Variants in ARMH3 observed in about 807,000 individuals in gnomAD.
ARMH3 encodes armadillo like helical domain containing 3, also known as armadillo-like helical domain-containing protein 3.
In ARMH3, 60 loss-of-function variants were observed where a neutral mutation model predicts 99.1. The ratio of observed to expected loss-of-function variants is 0.61; its 90% CI spans 0.49 to 0.75. The LOEUF (loss-of-function observed/expected upper bound fraction) is 0.75, where lower values mean the gene tolerates loss of function less well. ARMH3 is among the 30% of genes least tolerant of loss of function. The pLI is 0.00. For missense variants in ARMH3, 679 were observed against 843.1 expected (o/e 0.81, Z 2.41); for synonymous variants, 285 against 292.8 (o/e 0.97, Z 0.27).
intron 8 of ARMH3, 144 bp from the exon 9 acceptor site, chr10:102,014,168 C>G: frequency 1.7e-6 from 1 of 605,858 alleles, no homozygotes; most frequent in Non-Finnish European, 2.9e-6. Flanking sequence ...ATCCATATTG[C>G]CTGCTGACTC....
intron 24 of ARMH3, among the ~76,000 whole-genome samples, chr10:101,854,108 G>A (rs766871362): frequency 3.3e-5 from 5 of 151,866 alleles, no homozygotes; most frequent in African/African-American, 4.8e-5. Flanking sequence ...GCGAGACTCC[G>A]TCTCAAAAAA....
At chr10:101,883,987 C>T (rs1473162319) in intron 24 of ARMH3, among the ~76,000 whole-genome samples, 1 of 137,006 alleles carries the variant, frequency 7.3e-6, no homozygotes, top group Non-Finnish European at 1.6e-5. Flanking sequence ...AGGGAGATCT[C>T]ACACACACAC....
chr10:101,960,569 A>G (rs1357720389), intron 20 of ARMH3, among the ~76,000 whole-genome samples: 1 of 152,098 alleles, frequency 6.6e-6, no homozygotes, highest in Admixed American at 6.6e-5. Flanking sequence ...GGACCTTGTC[A>G]CCTGTTTAGT....
intron 22 of ARMH3, among the ~76,000 whole-genome samples, chr10:101,954,999 C>T (rs1362564263): frequency 6.6e-6 from 1 of 152,160 alleles, no homozygotes; most frequent in East Asian, 1.9e-4. Flanking sequence ...CGTTGAAAAG[C>T]ATCTTTATTC....
intron 1 of ARMH3, among the ~76,000 whole-genome samples, chr10:102,050,439 G>GC (rs1406781119): frequency 6.6e-6 from 1 of 151,926 alleles, no homozygotes; most frequent in African/African-American, 2.4e-5. Context: ...GGGCAACAGA[G>GC]CAAGACTCTG....
intron 23 of ARMH3, among the ~76,000 whole-genome samples, chr10:101,892,788 C>T (rs113612160): frequency 0.01 from 1,565 of 152,154 alleles, 28 homozygotes; most frequent in African/African-American, 0.032. Flanking sequence ...GGAAAAGCAA[C>T]GCCAAACATC....
In ARMH3 at chr10:102,023,493, T is replaced by C. The variant is rs2066933811; in HGVS notation, c.653A>G (p.Asn218Ser). 1 of 1,613,862 alleles carries C rather than the reference T, an allele frequency of 6.2e-7. No individual in the cohort carries two copies. The highest frequency in any genetic ancestry group is 8.5e-7 in the Non-Finnish European group (1 of 1,179,892). ...CCCAGTTACCTCATATTTTCTATAG[T>C]TCACCAGCAAAGCCAAGAGGACGAC... ...DAVVLLALLV[N>S]YRKYESVNPY... Residue 218 changes from asparagine (N) to serine (S), a missense_variant, in exon 8 of 26, where the codon AAC (asparagine) becomes AGC (serine). Coordinates refer to ENST00000370033, the MANE Select transcript of ARMH3 (RefSeq NM_024541.3).
In ARMH3 at chr10:102,033,287, A is replaced by G; in HGVS notation, c.155T>C (p.Met52Thr). ...SPRFWEELFLMKVNLEYLEGK... is the reference protein window; with the variant it reads ...SPRFWEELFLTKVNLEYLEGK... ...ACAGATGCCACCAACTCTTACCTTC[A>G]TGAGAAAGAGCTCCTCCCAAAACCG... Residue 52 changes from methionine to threonine, a missense_variant, in exon 3 of 26, where the codon ATG (methionine) becomes ACG (threonine). Met to Thr is a moderately conservative substitution (Grantham distance 81, BLOSUM62 -1). Around this residue, in one of 3 missense-constraint regions of ARMH3, gnomAD observed 280 missense variants for 354.6 expected, o/e 0.79. Coordinates refer to ENST00000370033, the MANE Select transcript of ARMH3 (RefSeq NM_024541.3). The G allele has an allele frequency of 6.2e-7, 1 of 1,614,136 alleles. No individual in the cohort carries two copies. Among genetic ancestry groups the G allele is most frequent in the East Asian group, 2.2e-5 (1 of 44,886 alleles).
chr10:101,909,722 A>T (rs1842789892), intron 23 of ARMH3, among the ~76,000 whole-genome samples: 1 of 151,930 alleles, frequency 6.6e-6, no homozygotes, highest in Non-Finnish European at 1.5e-5. Flanking sequence ...GCCCTTCCAA[A>T]GTGCTGGGAT....
At chr10:101,851,092 G>A (rs2066590082) in intron 24 of ARMH3, among the ~76,000 whole-genome samples, 1 of 152,130 alleles carries the variant, frequency 6.6e-6, no homozygotes, top group Admixed American at 6.5e-5. Flanking sequence ...CCAGCCTTTG[G>A]GTATAGGGTA....
rs1051266566 is a variant in ARMH3, at chr10:102,035,552, C to T, written c.103-2213G>A. ...CGGAGTGCCTGCGATTGCAGGCGCG[C>T]GCTGCCACGCCTGACTGGTTTTCGT... On this transcript the variant is annotated intron_variant, in intron 2 of 25. Transcript: ENST00000370033. Among the ~76,000 whole-genome samples the T allele has an allele frequency of 5.3e-5, 8 of 152,360 alleles. No individual in the cohort carries two copies. In the East Asian group the frequency reaches 1.2e-3, roughly 22 times the overall value.
chr10:101,979,906 T>C (rs899934710), intron 19 of ARMH3, among the ~76,000 whole-genome samples: 7 of 152,216 alleles, frequency 4.6e-5, no homozygotes, highest in African/African-American at 1.7e-4. Context: ...GCCCTTAGAA[T>C]CCCTAGTGTA....
chr10:101,884,462 G>A (rs1381698769), intron 24 of ARMH3, among the ~76,000 whole-genome samples: 1 of 152,156 alleles, frequency 6.6e-6, no homozygotes, highest in Non-Finnish European at 1.5e-5. Flanking sequence ...TTTGAAAGGT[G>A]TCCCAGAAAC....
At chr10:101,907,104 T>C (rs902209595) in intron 23 of ARMH3, among the ~76,000 whole-genome samples, 1 of 152,180 alleles carries the variant, frequency 6.6e-6, no homozygotes, top group African/African-American at 2.4e-5. Context: ...ACTGGTGCTT[T>C]AAATGTCTAC....
At chr10:102,012,462 T>TAACAAAAAA (rs1197536929) in intron 10 of ARMH3, among the ~76,000 whole-genome samples, 3 of 152,136 alleles carry the variant, frequency 2.0e-5, no homozygotes, top group Non-Finnish European at 4.4e-5. Flanking sequence ...TTTTTTAAGA[T>TAACAAAAAA]AACAAAAAAG....
intron 19 of ARMH3, among the ~76,000 whole-genome samples, chr10:101,979,760 T>G (rs898663673): frequency 6.6e-6 from 1 of 152,238 alleles, no homozygotes; most frequent in Non-Finnish European, 1.5e-5. Context: ...GATTCTTGAT[T>G]AAGCCATTAA....
chr10:101,922,261 GAGAA>G (rs1390114900), intron 23 of ARMH3, among the ~76,000 whole-genome samples: 9 of 151,664 alleles, frequency 5.9e-5, no homozygotes, highest in Non-Finnish European at 7.4e-5. Context: ...TTGTTTTTCT[GAGAA>G]AGAGTCTTAC....
chr10:101,960,982 G>A (rs1180646070), intron 20 of ARMH3, among the ~76,000 whole-genome samples: 1 of 151,934 alleles, frequency 6.6e-6, no homozygotes, highest in Non-Finnish European at 1.5e-5. Flanking sequence ...TAAATGGTGT[G>A]CTTAGATCTG....
intron 1 of ARMH3, among the ~76,000 whole-genome samples, chr10:102,053,449 C>T (rs1386742752): frequency 6.6e-6 from 1 of 151,932 alleles, no homozygotes; most frequent in Non-Finnish European, 1.5e-5. Flanking sequence ...TGAGCCAGCT[C>T]GTCTCAAACT....
Sources: allele counts gnomAD v4.1 joint callset (sites outside exome capture counted in the v4.1 genomes callset), GRCh38; gene constraint gnomAD v4.1.1; regional missense constraint gnomAD v4.1.1; transcripts MANE v1.5; gene names NCBI Gene and HGNC (gene_info 2026-07-23, HGNC 2026-07-21).